The following HRAS variants were observed in gnomAD, a reference collection of about 807,000 sequenced individuals.
HRAS encodes HRas proto-oncogene, GTPase.
Under a neutral mutation model 19.8 loss-of-function variants are expected in HRAS, and 11 were observed. That is an observed-to-expected ratio of 0.55 (90% CI 0.35 to 0.92). The LOEUF (loss-of-function observed/expected upper bound fraction) is 0.92, where lower values mean the gene tolerates loss of function less well. HRAS is among the 40% of genes least tolerant of loss of function. The pLI is 0.01. For missense variants in HRAS, 204 were observed against 255.9 expected (o/e 0.80, Z 1.38); for synonymous variants, 149 against 105.5 (o/e 1.41, Z -2.52).
chr11:532,789 GC>G (rs773007381), intron 4 of HRAS, 34 bp from the exon 5 acceptor site: 11 of 1,602,078 alleles, frequency 6.9e-6, no homozygotes, highest in Non-Finnish European at 7.7e-6. Context: ...GGAGGGACCG[GC>G]CTGTGGCCGC....
Position 534,393 on chromosome 11 carries a change from G to GCT in HRAS, c.-53-20_-53-19dup. The stretch of plus-strand genomic sequence containing the variant: ...TGCCCCACCTGCCAAGGAGGGCCCT[G>GCT]CTCAGCCAGGCCCAGGCCCAGCCCC... On this transcript the variant is annotated intron_variant, in intron 1 of 5. Coordinates refer to ENST00000311189, the MANE Select transcript of HRAS (RefSeq NM_005343.4). The GCT allele has an allele frequency of 7.8e-7, 1 of 1,287,464 alleles. No homozygotes were observed. The allele number at this position is 1,287,464 out of a possible 1,614,324, so 79.8% of individuals were successfully genotyped here.
At position 532,524 on chromosome 11, in the gene HRAS, T is replaced by G. The variant is rs730880459; in HGVS notation, c.*6-2A>C. On this transcript the variant is annotated splice_acceptor_variant, in intron 5 of 5. Transcript: ENST00000311189. LOFTEE classifies it low-confidence loss of function (3UTR_SPLICE). The stretch of plus-strand genomic sequence containing the variant: ...GCACCTCCATGTCCTGAGCTTGTGC[T>G]GGGCGGGGCACAAGGGAGGCTGCTG... 9 of 1,425,532 alleles carry G rather than the reference T, an allele frequency of 6.3e-6. No homozygotes were observed. The Admixed American group carries it at 1.8e-4, about 28-fold the overall frequency. The allele number at this position is 1,425,532 out of a possible 1,614,324, so 88.3% of individuals were successfully genotyped here. A position where few individuals can be genotyped will look rare whatever the true frequency, so the allele number is the denominator to read the frequency against.
Position 533,546 on chromosome 11 carries a change from G to A in HRAS, c.357C>T (p.Asp119=), listed in dbSNP as rs111352454. The change falls in exon 4 of 6, where the codon GAC becomes GAT. Residue 119 remains aspartate, a synonymous_variant. Transcript: ENST00000311189. ...GAGATTCCACAGTGCGTGCAGCCAG[G>A]TCACACTTGTTCCCCACCAGCACCA... is the stretch of plus-strand genomic sequence containing the variant. ...VPMVLVGNKC[D]LAARTVESRQ... 2.0e-3 allele frequency: 3,179 copies of A among 1,613,866 alleles called. 8 individuals are homozygous for A. Among genetic ancestry groups the A allele is most frequent in the Non-Finnish European group, 2.4e-3 (2,856 of 1,179,992 alleles).
intron 1 of HRAS, 89 bp from the exon 2 acceptor site, chr11:534,464 C>T (rs1851333190): frequency 6.0e-6 from 4 of 667,986 alleles, no homozygotes; most frequent in African/African-American, 5.4e-5. Flanking sequence ...AAGGGCAAAC[C>T]CACAGCGGTC....
At chr11:534,407 AGG>A in intron 1 of HRAS, 32 bp from the exon 2 acceptor site, 3 of 709,990 alleles carry the variant, frequency 4.2e-6, no homozygotes, top group Non-Finnish European at 6.2e-6. Context: ...AGCCAGGCCC[AGG>A]CCCAGCCCCA....
Position 532,675 on chromosome 11 carries a change from ACT to A in HRAS, c.529_530del (p.Ser177TrpfsTer?). 1.9e-6 allele frequency: 3 copies of A among 1,612,844 alleles called. No individual in the cohort carries two copies. Among genetic ancestry groups the A allele is most frequent in the Non-Finnish European group, 2.5e-6 (3 of 1,179,928 alleles). ...ACTTGCAGCTCATGCAGCCGGGGCCACTCTCATCAGGAGGGTTCAGCTTCCGC... is the reference window on the plus strand; with the variant it reads ...ACTTGCAGCTCATGCAGCCGGGGCCACTCATCAGGAGGGTTCAGCTTCCGC... ...KLRKLNPPDESGPGCMSCKCV... is the reference protein window; with the variant it reads ...KLRKLNPPDEXGPGCMSCKCV... On this transcript the variant is annotated frameshift_variant, in exon 5 of 6. Coordinates refer to ENST00000311189, the MANE Select transcript of HRAS (RefSeq NM_005343.4). LOFTEE classifies it high-confidence loss of function.
intron 4 of HRAS, 193 bp downstream of exon 4, chr11:533,260 C>A (rs761782530): frequency 6.4e-7 from 1 of 1,564,102 alleles, no homozygotes; most frequent in African/African-American, 1.4e-5. Context: ...ACTGCCCTGC[C>A]GTCCCGGGAG....
chr11:535,062 G>T (rs1386725794), intron 1 of HRAS, among the ~76,000 whole-genome samples: 2 of 152,070 alleles, frequency 1.3e-5, no homozygotes, highest in African/African-American at 4.8e-5. Context: ...TGCTGAATCG[G>T]GGGTGCCCGG....
Position 532,758 on chromosome 11 carries a change from G to A in HRAS, c.451-3C>T, listed in dbSNP as rs1158205210. On this transcript the variant is annotated splice_polypyrimidine_tract_variant and splice_region_variant and intron_variant, in intron 4 of 5. Transcript: ENST00000311189. ...GTGTAGAAGGCATCCTCCACTCCCT[G>A]GGAAAGGAGGGATGGGATCAGGAGG... is the stretch of plus-strand genomic sequence containing the variant. 2 of 1,612,182 alleles carry A rather than the reference G, an allele frequency of 1.2e-6. No individual in the cohort carries two copies. Among genetic ancestry groups the A allele is most frequent in the Non-Finnish European group, 1.7e-6 (2 of 1,179,934 alleles).
Position 533,522 on chromosome 11 carries a change from A to C in HRAS, c.381T>G (p.Ser127=). The change falls in exon 4 of 6, where the codon TCT becomes TCG. Residue 127 remains serine (S), a synonymous_variant. Transcript: ENST00000311189. ...TTCGGGCGAGGTCCTGAGCCTGCCG[A>C]GATTCCACAGTGCGTGCAGCCAGGT... ...KCDLAARTVE[S]RQAQDLARSY... is the part of the protein sequence containing the mutation. 6.2e-7 allele frequency: 1 copy of C among 1,613,750 alleles called. No individual in the cohort carries two copies. Among genetic ancestry groups the C allele is most frequent in the Non-Finnish European group, 8.5e-7 (1 of 1,179,994 alleles).
intron 1 of HRAS, 188 bp from the exon 2 acceptor site, chr11:534,563 C>T (rs1167158480): frequency 1.0e-5 from 6 of 587,644 alleles, no homozygotes; most frequent in Non-Finnish European, 1.8e-5. Flanking sequence ...CGCCTCGCCC[C>T]CACTTGCTCT....
At position 532,770 on chromosome 11, in the gene HRAS, A is replaced by G. The variant is rs1644141623; in HGVS notation, c.451-15T>C. On this transcript the variant is annotated splice_polypyrimidine_tract_variant and intron_variant, in intron 4 of 5. Transcript: ENST00000311189. ...TCCTCCACTCCCTGGGAAAGGAGGG[A>G]TGGGATCAGGAGGGACCGGCCTGTG... is the stretch of plus-strand genomic sequence containing the variant. 6.2e-7 allele frequency: 1 copy of G among 1,611,464 alleles called. No individual in the cohort carries two copies. Among genetic ancestry groups the G allele is most frequent in the Non-Finnish European group, 8.5e-7 (1 of 1,179,586 alleles).
At position 534,392 on chromosome 11, in the gene HRAS, T is replaced by G; in HGVS notation, c.-53-17A>C. On this transcript the variant is annotated splice_polypyrimidine_tract_variant and intron_variant, in intron 1 of 5. Transcript: ENST00000311189. Reference sequence around the variant, plus strand: ...CTGCCCCACCTGCCAAGGAGGGCCCTGCTCAGCCAGGCCCAGGCCCAGCCC... The same window carrying G: ...CTGCCCCACCTGCCAAGGAGGGCCCGGCTCAGCCAGGCCCAGGCCCAGCCC... 1 of 1,314,904 alleles carries G rather than the reference T, an allele frequency of 7.6e-7. No individual in the cohort carries two copies. Among genetic ancestry groups the G allele is most frequent in the Non-Finnish European group, 1.1e-6 (1 of 930,918 alleles). 81.5% of individuals were successfully genotyped at this position (1,314,904 alleles called of 1,614,324 possible).
In HRAS at chr11:532,486, C is replaced by G. The variant is rs942936808; in HGVS notation, c.*42G>C. On this transcript the variant is annotated 3_prime_UTR_variant, in exon 6 of 6. Coordinates refer to ENST00000311189, the MANE Select transcript of HRAS (RefSeq NM_005343.4). ...TTCCTCCTCCTTCCGTCTGCACCTC[C>G]TTCCTGCATCCGGCACCTCCATGTC... 1 of 1,078,778 alleles carries G rather than the reference C, an allele frequency of 9.3e-7. No individual in the cohort carries two copies. The highest frequency in any genetic ancestry group is 1.3e-6 in the Non-Finnish European group (1 of 749,162). 66.8% of individuals were successfully genotyped at this position (1,078,778 alleles called of 1,614,324 possible). A position where few individuals can be genotyped will look rare whatever the true frequency, so the allele number is the denominator to read the frequency against.
Position 532,529 on chromosome 11 carries a change from G to A in HRAS, c.*6-7C>T, listed in dbSNP as rs536402231. ...TCCATGTCCTGAGCTTGTGCTGGGC[G>A]GGGCACAAGGGAGGCTGCTGACCGC... On this transcript the variant is annotated splice_region_variant and splice_polypyrimidine_tract_variant and intron_variant, in intron 5 of 5. Transcript: ENST00000311189. 5.2e-5 allele frequency: 75 copies of A among 1,449,168 alleles called. No homozygotes were observed. The highest frequency in any genetic ancestry group is 4.3e-4 in the African/African-American group (31 of 71,602). The allele number at this position is 1,449,168 out of a possible 1,614,324, so 89.8% of individuals were successfully genotyped here.
At chr11:534,765 A>T (rs1851353063) in intron 1 of HRAS, among the ~76,000 whole-genome samples, 1 of 152,184 alleles carries the variant, frequency 6.6e-6, no homozygotes, top group African/African-American at 2.4e-5. Context: ...GTGCCCGGGC[A>T]GGCTAGTGCC....
At chr11:534,721 G>C (rs1017437030) in intron 1 of HRAS, 32 of 287,868 alleles carry the variant, frequency 1.1e-4, no homozygotes, top group Middle Eastern at 1.1e-3. Context: ...CCGTCCTCCA[G>C]AACAGGTCTG....
At chr11:533,377 T>G (rs2133985483) in intron 4 of HRAS, 76 bp downstream of exon 4, 1 of 1,601,340 alleles carries the variant, frequency 6.2e-7, no homozygotes, top group Non-Finnish European at 8.5e-7. Context: ...AGGGAGAGGG[T>G]CAGTGAGTGC....
Position 533,490 on chromosome 11 carries a change from C to A in HRAS, c.413G>T (p.Gly138Val), listed in dbSNP as rs1554884772. The change falls in exon 4 of 6, where the codon GGC (glycine) becomes GTC (valine). Residue 138 changes from glycine (G) to valine (V), a missense_variant. Gly to Val is a moderately radical substitution (Grantham distance 109). Around this residue, in one of 4 missense-constraint regions of HRAS, gnomAD observed 142 missense variants for 141.1 expected, o/e 1.01. Coordinates refer to ENST00000311189, the MANE Select transcript of HRAS (RefSeq NM_005343.4). Reference sequence around the variant, plus strand: ...GGCCGAGGTCTCGATGTAGGGGATGCCGTAGCTTCGGGCGAGGTCCTGAGC... The same window carrying A: ...GGCCGAGGTCTCGATGTAGGGGATGACGTAGCTTCGGGCGAGGTCCTGAGC... ...RQAQDLARSY[G>V]IPYIETSAKT... The A allele has an allele frequency of 6.2e-7, 1 of 1,613,606 alleles. No individual in the cohort carries two copies. The highest frequency in any genetic ancestry group is 8.5e-7 in the Non-Finnish European group (1 of 1,179,982).
Sources: allele counts gnomAD v4.1 joint callset (sites outside exome capture counted in the v4.1 genomes callset), GRCh38; gene constraint gnomAD v4.1.1; regional missense constraint gnomAD v4.1.1; transcripts MANE v1.5; gene names NCBI Gene and HGNC (gene_info 2026-07-23, HGNC 2026-07-21).